Variants in CLEC2A observed in about 807,000 individuals in gnomAD.
The protein encoded by CLEC2A is C-type lectin domain family 2 member A.
In CLEC2A, 19 loss-of-function variants were observed where a neutral mutation model predicts 18.6. The ratio of observed to expected loss-of-function variants is 1.02; its 90% CI spans 0.71 to 1.50. The LOEUF is 1.50. Among genes scored for constraint, CLEC2A ranks in the 40% most tolerant of loss-of-function variants. The pLI is 0.00. For synonymous variants in CLEC2A, 74 were observed against 64.0 expected (o/e 1.16, Z -0.75); for missense variants, 190 against 207.9 (o/e 0.91, Z 0.53).
chr12:9,924,894 T>A (rs978233398), intron 2 of CLEC2A, among the ~76,000 whole-genome samples: 3 of 152,200 alleles, frequency 2.0e-5, no homozygotes, highest in African/African-American at 4.8e-5. Context: ...ATAAAATACC[T>A]TTGTGAAAGA....
chr12:9,891,977 A>G, the CLEC2A span, among the ~76,000 whole-genome samples: 1,434 of 152,344 alleles, frequency 9.4e-3, 16 homozygotes, highest in African/African-American at 0.033. Context: ...AGCATTTATT[A>G]TATACAAAAT....
chr12:9,896,218 A>G (rs1862754114), downstream of CLEC2A, among the ~76,000 whole-genome samples: 1 of 152,200 alleles, frequency 6.6e-6, no homozygotes, highest in Non-Finnish European at 1.5e-5. Flanking sequence ...GTACAAATAT[A>G]ATATTTGAAG....
At chr12:9,910,361 G>C (rs1426039813), downstream of CLEC2A, among the ~76,000 whole-genome samples, 1 of 152,108 alleles carries the variant, frequency 6.6e-6, no homozygotes, top group East Asian at 1.9e-4. Flanking sequence ...ACTGGAGCAG[G>C]CTTTTTCCCT....
chr12:9,907,111 C>T (rs1324155793), intron 4 of CLEC2A, among the ~76,000 whole-genome samples: 4 of 152,144 alleles, frequency 2.6e-5, no homozygotes, highest in African/African-American at 9.7e-5. Flanking sequence ...TGCATTCAGG[C>T]CACCCACTTG....
intron 1 of CLEC2A, among the ~76,000 whole-genome samples, chr12:9,930,458 G>A (rs568628154): frequency 2.0e-4 from 30 of 151,758 alleles, no homozygotes; most frequent in Admixed American, 7.9e-4. Context: ...TTATTGTATC[G>A]TCTTCTGCAA....
chr12:9,893,251 T>TA, the CLEC2A span: 2 of 1,315,528 alleles, frequency 1.5e-6, no homozygotes, highest in Non-Finnish European at 2.1e-6. Flanking sequence ...TTGGGAGGTT[T>TA]ATTGTCGTTG....
chr12:9,883,221 A>G, the CLEC2A span, among the ~76,000 whole-genome samples: 1 of 152,198 alleles, frequency 6.6e-6, no homozygotes, highest in African/African-American at 2.4e-5. Flanking sequence ...CTTAAGATTG[A>G]TATAATTAAT....
chr12:9,927,039 C>CTGTGTG (rs146343269), intron 1 of CLEC2A, among the ~76,000 whole-genome samples: 2 of 150,500 alleles, frequency 1.3e-5, no homozygotes, highest in African/African-American at 4.9e-5. Context: ...ATGTGTGTGT[C>CTGTGTG]TGTGTGTGTG....
the CLEC2A span, among the ~76,000 whole-genome samples, chr12:9,890,670 A>G: frequency 1.3e-5 from 2 of 152,206 alleles, no homozygotes; most frequent in African/African-American, 4.8e-5. Context: ...TACTTGGGAT[A>G]ATCTTTCTTT....
Position 9,928,426 on chromosome 12 carries a change from C to A in CLEC2A, c.56-2083G>T, listed in dbSNP as rs934885922. On this transcript the variant is annotated intron_variant, in intron 1 of 4. Coordinates refer to ENST00000455827, the MANE Select transcript of CLEC2A (RefSeq NM_001130711.2). ...GGCTGCAGTGATCAGAATTATGCCA[C>A]TGCACTCCAGCCTGGGTGACAGAGT... 2.0e-5 allele frequency among the ~76,000 whole-genome samples: 3 copies of A among 152,080 alleles called. No homozygotes were observed. In the East Asian group the frequency reaches 5.8e-4, roughly 29 times the overall value.
At position 9,913,245 on chromosome 12, in the gene CLEC2A, G is replaced by T. The variant is rs921894424; in HGVS notation, c.*321C>A. ...GTAGATGCTATGTTCTGAGTATTTG[G>T]GTCCTCCCAAAACTCATAAATTGAA... On this transcript the variant is annotated 3_prime_UTR_variant, in exon 5 of 5. Coordinates refer to ENST00000455827, the MANE Select transcript of CLEC2A (RefSeq NM_001130711.2). 5 of 306,084 alleles carry T rather than the reference G, an allele frequency of 1.6e-5. No homozygotes were observed. The highest frequency in any genetic ancestry group is 2.2e-5 in the African/African-American group (1 of 44,840). 19.0% of individuals were successfully genotyped at this position (306,084 alleles called of 1,614,324 possible). A position where few individuals can be genotyped will look rare whatever the true frequency, so the allele number is the denominator to read the frequency against.
intron 2 of CLEC2A, among the ~76,000 whole-genome samples, chr12:9,924,122 A>T (rs540056933): frequency 2.9e-4 from 44 of 152,242 alleles, no homozygotes; most frequent in African/African-American, 1.0e-3. Context: ...ATAATAATAA[A>T]AAAAAGAAAA....
the CLEC2A span, among the ~76,000 whole-genome samples, chr12:9,892,082 G>A: frequency 6.6e-6 from 1 of 152,174 alleles, no homozygotes; most frequent in Admixed American, 6.5e-5. Context: ...CAAGTGAATA[G>A]GATGTAAACC....
chr12:9,895,180 T>G (rs919530288), downstream of CLEC2A, among the ~76,000 whole-genome samples: 1 of 152,212 alleles, frequency 6.6e-6, no homozygotes. Flanking sequence ...ACTCACATCA[T>G]TATAGCATAC....
At chr12:9,920,876 T>TA (rs778893362) in intron 3 of CLEC2A, among the ~76,000 whole-genome samples, 1 of 152,250 alleles carries the variant, frequency 6.6e-6, no homozygotes, top group Non-Finnish European at 1.5e-5. Flanking sequence ...GCTGTATTTT[T>TA]AAAAATTTTT....
chr12:9,892,307 C>A, the CLEC2A span, among the ~76,000 whole-genome samples: 1 of 152,120 alleles, frequency 6.6e-6, no homozygotes, highest in African/African-American at 2.4e-5. Flanking sequence ...CCCAATGCAT[C>A]AGTAATAGTA....
chr12:9,879,895 A>G, the CLEC2A span, among the ~76,000 whole-genome samples: 2 of 152,254 alleles, frequency 1.3e-5, no homozygotes, highest in Admixed American at 1.3e-4. Flanking sequence ...GAAGCACAGT[A>G]AACTGCATGA....
At chr12:9,917,707 A>G (rs1212322761) in intron 3 of CLEC2A, among the ~76,000 whole-genome samples, 2 of 152,184 alleles carry the variant, frequency 1.3e-5, no homozygotes, top group East Asian at 1.9e-4. Flanking sequence ...TGGTGGAACT[A>G]TTTTCACTCC....
chr12:9,888,802 A>G, the CLEC2A span: 9 of 1,422,584 alleles, frequency 6.3e-6, no homozygotes, highest in Admixed American at 1.4e-4. Context: ...TTTGTTTGTT[A>G]TGTGCTACTC....
Sources: gnomAD v4.1 joint callset for allele counts (sites outside exome capture counted in the v4.1 genomes callset) on GRCh38, gnomAD v4.1.1 for gene constraint, MANE v1.5 for transcripts, NCBI Gene and HGNC (gene_info 2026-07-23, HGNC 2026-07-21) for gene names.